The following COPS5 variants were observed in gnomAD, a reference collection of about 807,000 sequenced individuals.
COPS5 encodes COP9 signalosome complex subunit 5.
A neutral mutation model predicts 44.4 loss-of-function variants in COPS5; 8 were observed. The ratio of observed to expected loss-of-function variants is 0.18; its 90% CI spans 0.11 to 0.32. The LOEUF is 0.32. COPS5 is among the 10% of genes least tolerant of loss of function. The pLI, the probability that COPS5 is intolerant of heterozygous loss-of-function variation, is 1.00. For missense variants in COPS5, 159 were observed against 406.4 expected (o/e 0.39, Z 5.23); for synonymous variants, 122 against 142.8 (o/e 0.85, Z 1.04).
intron 5 of COPS5, among the ~76,000 whole-genome samples, chr8:67,053,220 G>A (rs1804445461): frequency 6.6e-6 from 1 of 151,740 alleles, no homozygotes; most frequent in Non-Finnish European, 1.5e-5. Context: ...CTCCCGAGTA[G>A]CTGGGATTAC....
intron 6 of COPS5, among the ~76,000 whole-genome samples, chr8:67,050,601 ATG>A (rs1452707344): frequency 1.5e-5 from 2 of 137,008 alleles, no homozygotes; most frequent in Admixed American, 7.2e-5. Context: ...ACCTGGAAAT[ATG>A]TGAGTGTGAG....
chr8:67,050,614 AGTGTGTGTGTGT>A (rs5892073), intron 6 of COPS5, among the ~76,000 whole-genome samples: 9 of 141,150 alleles, frequency 6.4e-5, no homozygotes, highest in Non-Finnish European at 9.3e-5. Flanking sequence ...TGAGTGTGAG[AGTGTGTGTGTGT>A]GTGTGTGTGT....
chr8:67,059,622 GTCATAGTGCAGCAACGTATCCCCC>G (rs1393653484), intron 1 of COPS5, 177 bp from the exon 2 acceptor site: 33 of 596,788 alleles, frequency 5.5e-5, no homozygotes, highest in East Asian at 4.5e-4. Flanking sequence ...CAATAAGTAT[GTCATAGTGCAGCAACGTATCCCCC>G]TTAGGGGAGG....
Position 67,058,132 on chromosome 8 carries a change from C to T in COPS5, c.458G>A (p.Ser153Asn), listed in dbSNP as rs1343218790. The change falls in exon 3 of 8, where the codon AGT becomes AAT. Residue 153 changes from serine (S) to asparagine (N), a missense_variant. Ser to Asn is a conservative substitution (Grantham distance 46, BLOSUM62 1). Transcript: ENST00000357849. ...GAACTGCTGATTGAGCATCTGAGTA[C>T]TAACATCAATCCCAGAAAGCCAGCA... is the stretch of plus-strand genomic sequence containing the variant. Reference protein sequence around the residue: ...YGCWLSGIDVSTQMLNQQFQE... With the variant: ...YGCWLSGIDVNTQMLNQQFQE... 6.2e-7 allele frequency: 1 copy of T among 1,614,074 alleles called. No homozygotes were observed. Among genetic ancestry groups the T allele is most frequent in the South Asian group, 1.1e-5 (1 of 91,080 alleles).
rs1816695552 is a variant in COPS5 at position 67,046,030 on chromosome 8, G to A, written c.772-70C>T. ...CATTTAAAAATCTGTATATTTTAAT[G>A]TAAACTAATTTTCTACAAAGAATAT... On this transcript the variant is annotated intron_variant, in intron 6 of 7. Transcript: ENST00000357849. The A allele has an allele frequency of 3.5e-6, 5 of 1,408,900 alleles. No homozygotes were observed. The Admixed American group carries it at 8.2e-5, about 23-fold the overall frequency. The allele number at this position is 1,408,900 out of a possible 1,614,324, so 87.3% of individuals were successfully genotyped here.
chr8:67,057,197 T>C (rs1421070142), intron 4 of COPS5, among the ~76,000 whole-genome samples, 183 bp downstream of exon 4: 3 of 152,186 alleles, frequency 2.0e-5, no homozygotes, highest in Admixed American at 6.5e-5. Flanking sequence ...TTAAAAAATG[T>C]AAGGACTTAT....
In COPS5 at chr8:67,051,175, C is replaced by T. The variant is rs537990569; in HGVS notation, c.771+55G>A. On this transcript the variant is annotated intron_variant, in intron 6 of 7. Coordinates refer to ENST00000357849, the MANE Select transcript of COPS5 (RefSeq NM_006837.3). ...GTGAAACAGTGTTTCAGATATTAAA[C>T]GGCTATGAAGCTTAGATAAAATTCA... The T allele has an allele frequency of 1.4e-4, 161 of 1,124,310 alleles. No individual in the cohort carries two copies. In the Admixed American group the frequency reaches 1.5e-3, roughly 11 times the overall value. The allele number at this position is 1,124,310 out of a possible 1,614,324, so 69.6% of individuals were successfully genotyped here. A position where few individuals can be genotyped will look rare whatever the true frequency, so the allele number is the denominator to read the frequency against.
intron 6 of COPS5, among the ~76,000 whole-genome samples, chr8:67,050,614 A>AGTGTGTGTGTGTGTGT (rs5892073): frequency 7.1e-6 from 1 of 141,056 alleles, no homozygotes; most frequent in African/African-American, 2.6e-5. Flanking sequence ...TGAGTGTGAG[A>AGTGTGTGTGTGTGTGT]GTGTGTGTGT....
chr8:67,057,349 G>A lies in COPS5; in HGVS notation c.573+31C>T, dbSNP rs185271502. 181 of 1,460,006 alleles carry A rather than the reference G, an allele frequency of 1.2e-4. 2 individuals are homozygous for A. The highest frequency in any genetic ancestry group is 1.5e-5 in the Non-Finnish European group (16 of 1,049,540). 90.4% of individuals were successfully genotyped at this position (1,460,006 alleles called of 1,614,324 possible). A position where few individuals can be genotyped will look rare whatever the true frequency, so the allele number is the denominator to read the frequency against. Reference sequence around the variant, plus strand: ...TACTCCAGCCTAGGTAACACAGTGAGACTCTAACTCTTAAAAAAAAAAAAA... The same window carrying A: ...TACTCCAGCCTAGGTAACACAGTGAAACTCTAACTCTTAAAAAAAAAAAAA... On this transcript the variant is annotated intron_variant, in intron 4 of 7. Coordinates refer to ENST00000357849, the MANE Select transcript of COPS5 (RefSeq NM_006837.3).
rs570152372 is a variant in COPS5, at chr8:67,057,401, G to A, written c.552C>T (p.Gly184=). 2.1e-5 allele frequency: 33 copies of A among 1,609,292 alleles called. No homozygotes were observed. The highest frequency in any genetic ancestry group is 1.0e-4 in the South Asian group (9 of 90,440). Residue 184 remains glycine (G), a synonymous_variant, in exon 4 of 8, where the codon GGC becomes GGT. Transcript: ENST00000357849. ...RTISAGKVNL[G]AFRTYPKGYK... is the part of the protein sequence containing the mutation. ...TTACCTTTGGGTATGTCCTAAAGGC[G>A]CCAAGATTCACTTTCCCTGCGGATA...
chr8:67,052,131 A>C (rs1804423209), intron 5 of COPS5, among the ~76,000 whole-genome samples: 1 of 152,174 alleles, frequency 6.6e-6, no homozygotes, highest in African/African-American at 2.4e-5. Flanking sequence ...TAAGGGTTAG[A>C]GATAATAAGT....
chr8:67,061,594 C>T, intron 1 of COPS5: 2 of 494,680 alleles, frequency 4.0e-6, no homozygotes, highest in South Asian at 2.1e-5. Flanking sequence ...TATGACAATA[C>T]GGATGTTCAG....
intron 5 of COPS5, among the ~76,000 whole-genome samples, chr8:67,054,035 C>T (rs556265495): frequency 6.7e-6 from 1 of 149,966 alleles, no homozygotes; most frequent in African/African-American, 2.4e-5. Context: ...AACATTTTAG[C>T]AATTCCAGGT....
chr8:67,050,660 G>A (rs960042265), intron 6 of COPS5, among the ~76,000 whole-genome samples: 1 of 147,614 alleles, frequency 6.8e-6, no homozygotes, highest in East Asian at 2.0e-4. Flanking sequence ...CCTTCTTTTT[G>A]AACATGAAGC....
At chr8:67,058,747 G>A (rs1164458772) in intron 2 of COPS5, among the ~76,000 whole-genome samples, 1 of 152,028 alleles carries the variant, frequency 6.6e-6, no homozygotes, top group African/African-American at 2.4e-5. Context: ...GCTCATGCCT[G>A]TAATCCCAGC....
Position 67,045,860 on chromosome 8 carries a change from G to A in COPS5, c.872C>T (p.Thr291Met), listed in dbSNP as rs143525514. 2.3e-5 allele frequency: 37 copies of A among 1,613,988 alleles called. No individual in the cohort carries two copies. The highest frequency in any genetic ancestry group is 1.1e-4 in the South Asian group (10 of 91,090). Reference protein sequence around the residue: ...GRGSFMLGLETHDRKSEDKLA... With the variant: ...GRGSFMLGLEMHDRKSEDKLA... Reference sequence around the variant, plus strand: ...TTTGTCTTCTGATTTTCGGTCATGCGTTTCTAAACCCAACATGAAACTCCC... The same window carrying A: ...TTTGTCTTCTGATTTTCGGTCATGCATTTCTAAACCCAACATGAAACTCCC... The change falls in exon 7 of 8, where the codon ACG (threonine) becomes ATG (methionine). Residue 291 changes from threonine (T) to methionine (M), a missense_variant. Coordinates refer to ENST00000357849, the MANE Select transcript of COPS5 (RefSeq NM_006837.3).
At chr8:67,048,147 G>A (rs576728513) in intron 6 of COPS5, among the ~76,000 whole-genome samples, 1 of 152,054 alleles carries the variant, frequency 6.6e-6, no homozygotes, top group East Asian at 1.9e-4. Context: ...GCATGGTGGT[G>A]TACATCCTGT....
At chr8:67,061,646 T>A (rs1804632975) in intron 1 of COPS5, 2 of 580,636 alleles carry the variant, frequency 3.4e-6, no homozygotes, top group Non-Finnish European at 3.1e-6. Context: ...TCCCCTTACA[T>A]CACCCGGGGG....
chr8:67,060,621 C>T, intron 1 of COPS5: 3 of 568,380 alleles, frequency 5.3e-6, no homozygotes, highest in Non-Finnish European at 8.5e-6. Flanking sequence ...TACATTATCT[C>T]ACCTAATCTC....
Sources: gnomAD v4.1 joint callset for allele counts (sites outside exome capture counted in the v4.1 genomes callset) on GRCh38, gnomAD v4.1.1 for gene constraint, MANE v1.5 for transcripts, NCBI Gene and HGNC (gene_info 2026-07-23, HGNC 2026-07-21) for gene names.